SHPRH: variants seen among roughly 807,000 people sequenced by gnomAD.
SHPRH encodes E3 ubiquitin-protein ligase SHPRH.
SHPRH carries 106 observed loss-of-function variants against 202.5 expected under a neutral mutation model. The ratio of observed to expected loss-of-function variants is 0.52; its 90% CI spans 0.45 to 0.62. The LOEUF (loss-of-function observed/expected upper bound fraction) is 0.62, where lower values mean the gene tolerates loss of function less well. Among genes scored for constraint, SHPRH ranks in the 20% least tolerant of loss-of-function variants. The pLI, the probability that SHPRH is intolerant of heterozygous loss-of-function variation, is 0.00. For synonymous variants in SHPRH, 729 were observed against 686.0 expected, an observed-to-expected ratio of 1.06 and a Z score of -0.98; for missense variants, 1,710 against 2,020.0, an observed-to-expected ratio of 0.85 and a Z score of 2.94.
chr6:145,892,861 T>C (rs1341848695), intron 28 of SHPRH, among the ~76,000 whole-genome samples: 1 of 152,034 alleles, frequency 6.6e-6, no homozygotes, highest in East Asian at 1.9e-4. Flanking sequence ...CAAAACTCCA[T>C]TCTCCTCAAA....
At chr6:145,913,407 G>T in intron 24 of SHPRH, 71 bp downstream of exon 24, 1 of 1,406,664 alleles carries the variant, frequency 7.1e-7, no homozygotes, top group Admixed American at 2.0e-5. Flanking sequence ...ACGAGAGAAA[G>T]ATTTTATGTA....
chr6:145,922,687 CG>C lies in SHPRH; in HGVS notation c.3694del (p.Arg1232AspfsTer41). 1 of 1,608,216 alleles carries C rather than the reference CG, an allele frequency of 6.2e-7. No homozygotes were observed. Among genetic ancestry groups the C allele is most frequent in the Non-Finnish European group, 8.5e-7 (1 of 1,177,346 alleles). ...VIESATVCHL[R>X]PARLPLNCCV... ...CCAGTTGAGAGGAAGTCTGGCTGGTCGGAGGTGACAGACTGTTGCAGACTCA... is the reference window on the plus strand; with the variant it reads ...CCAGTTGAGAGGAAGTCTGGCTGGTCGAGGTGACAGACTGTTGCAGACTCA... On this transcript the variant is annotated frameshift_variant, in exon 19 of 30. Coordinates refer to ENST00000275233, the MANE Select transcript of SHPRH (RefSeq NM_001042683.3). LOFTEE classifies it high-confidence loss of function.
At chr6:145,960,207 A>C (rs1235275653) in intron 1 of SHPRH, among the ~76,000 whole-genome samples, 2 of 103,876 alleles carry the variant, frequency 1.9e-5, no homozygotes, top group East Asian at 6.8e-4. Flanking sequence ...AATGTTCTTT[A>C]TGGCAATGGT....
chr6:145,893,226 A>C lies in SHPRH; in HGVS notation c.4863T>G (p.Ile1621Met). ...ATTTTAGTCCTTACTTTGTCTGTCC[A>C]ATTCGGTGCACCCTCCCTATGGCCT... ...ELQAIGRVHRIGQTKPTIVHR... is the reference protein window; with the variant it reads ...ELQAIGRVHRMGQTKPTIVHR... The change falls in exon 28 of 30, where the codon ATT becomes ATG. Residue 1621 changes from isoleucine (I) to methionine (M), a missense_variant. Around this residue, in one of 8 missense-constraint regions of SHPRH, gnomAD observed 306 missense variants for 479.5 expected, o/e 0.64. Coordinates refer to ENST00000275233, the MANE Select transcript of SHPRH (RefSeq NM_001042683.3). 2 of 1,547,532 alleles carry C rather than the reference A, an allele frequency of 1.3e-6. No homozygotes were observed. Among genetic ancestry groups the C allele is most frequent in the South Asian group, 1.2e-5 (1 of 80,242 alleles).
chr6:145,954,324 C>A (rs1236358190), intron 2 of SHPRH, among the ~76,000 whole-genome samples: 1 of 152,016 alleles, frequency 6.6e-6, no homozygotes, highest in Non-Finnish European at 1.5e-5. Context: ...ATACTTAATT[C>A]TGTAGGCAGT....
At chr6:145,894,744 C>T in intron 26 of SHPRH, 141 bp downstream of exon 26, 1 of 609,992 alleles carries the variant, frequency 1.6e-6, no homozygotes, top group Non-Finnish European at 2.7e-6. Context: ...ATAATTCTAT[C>T]TTCTCTAAAA....
intron 24 of SHPRH, among the ~76,000 whole-genome samples, 154 bp downstream of exon 24, chr6:145,913,324 G>A (rs773399028): frequency 2.7e-4 from 41 of 152,084 alleles, no homozygotes; most frequent in Non-Finnish European, 2.9e-4. Flanking sequence ...TCCTAAGCAC[G>A]TCACCTAACC....
chr6:145,922,935 A>G (rs1562324461), intron 18 of SHPRH, 99 bp from the exon 19 acceptor site: 1 of 1,335,028 alleles, frequency 7.5e-7, no homozygotes. Flanking sequence ...TGTTAAAGAA[A>G]CTGTTTGCTG....
intron 2 of SHPRH, among the ~76,000 whole-genome samples, chr6:145,869,582 A>G (rs774194315): frequency 6.6e-6 from 1 of 152,194 alleles, no homozygotes. Flanking sequence ...TTGAGAAGAC[A>G]ATCTTTGCTT....
chr6:145,941,545 T>G, intron 10 of SHPRH, 78 bp downstream of exon 10: 1 of 1,568,318 alleles, frequency 6.4e-7, no homozygotes, highest in Non-Finnish European at 8.6e-7. Flanking sequence ...ATGCTTAAAC[T>G]ATTAAACTAC....
At chr6:145,895,055 C>T (rs899502179) in intron 25 of SHPRH, 78 bp from the exon 26 acceptor site, 34 of 1,242,524 alleles carry the variant, frequency 2.7e-5, no homozygotes, top group Non-Finnish European at 3.8e-5. Flanking sequence ...ATACAAAGTA[C>T]TTTTTATTAT....
chr6:145,923,404 A>G (rs1341074640), intron 18 of SHPRH, among the ~76,000 whole-genome samples: 3 of 151,908 alleles, frequency 2.0e-5, no homozygotes, highest in African/African-American at 7.2e-5. Flanking sequence ...TAAAATATTA[A>G]AGTAACTAAA....
intron 11 of SHPRH, among the ~76,000 whole-genome samples, chr6:145,937,481 C>T (rs911735093): frequency 1.3e-5 from 2 of 152,098 alleles, no homozygotes; most frequent in African/African-American, 4.8e-5. Context: ...TATAGACAAT[C>T]AATTAATATC....
chr6:145,877,699 T>C (rs145754607), intron 2 of SHPRH: 8 of 152,204 alleles, frequency 5.3e-5, no homozygotes, highest in African/African-American at 1.9e-4. Context: ...AGAAACATTT[T>C]ACAACCTACC....
chr6:145,925,729 C>G (rs757792157), intron 16 of SHPRH, among the ~76,000 whole-genome samples: 5 of 151,882 alleles, frequency 3.3e-5, no homozygotes, highest in Admixed American at 6.6e-5. Context: ...TAATATCACT[C>G]TTTTCGATGT....
chr6:145,922,343 A>G lies in SHPRH; in HGVS notation c.3725T>C (p.Val1242Ala). Residue 1242 changes from valine to alanine, a missense_variant, in exon 20 of 30, where the codon GTC (valine) becomes GCC (alanine). Coordinates refer to ENST00000275233, the MANE Select transcript of SHPRH (RefSeq NM_001042683.3). ...RPARLPLNCC[V>A]FCKADELFTE... ...GAACAATTCATCAGCTTTACAAAAG[A>G]CACAGCTGAAAAAAAAGAGATTAAC... 1 of 1,561,002 alleles carries G rather than the reference A, an allele frequency of 6.4e-7. No homozygotes were observed. The highest frequency in any genetic ancestry group is 8.6e-7 in the Non-Finnish European group (1 of 1,163,722).
chr6:145,914,553 T>A (rs920365014), intron 23 of SHPRH, among the ~76,000 whole-genome samples: 5 of 152,154 alleles, frequency 3.3e-5, no homozygotes, highest in Admixed American at 6.6e-5. Flanking sequence ...CATATTCCAA[T>A]AAAACTTTAC....
At chr6:145,883,660 G>A (rs1780754506), downstream of SHPRH, 1 of 152,220 alleles carries the variant, frequency 6.6e-6, no homozygotes, top group African/African-American at 2.4e-5. Context: ...ACTGTTAACT[G>A]ATCTCACTTT....
chr6:145,962,987 T>C (rs982630941), intron 1 of SHPRH, among the ~76,000 whole-genome samples: 1 of 152,226 alleles, frequency 6.6e-6, no homozygotes. Flanking sequence ...AAACTCTTAA[T>C]AATAAAAGTT....
Sources: allele counts gnomAD v4.1 joint callset (sites outside exome capture counted in the v4.1 genomes callset), GRCh38; gene constraint gnomAD v4.1.1; regional missense constraint gnomAD v4.1.1; transcripts MANE v1.5; gene names NCBI Gene and HGNC (gene_info 2026-07-23, HGNC 2026-07-21).